Variants in ESR1 observed in about 807,000 individuals in gnomAD.
ESR1 encodes the protein estrogen receptor 1.
In ESR1, 12 loss-of-function variants were observed where a neutral mutation model predicts 52.7. That is an observed-to-expected ratio of 0.23 (90% CI 0.15 to 0.37). The LOEUF is 0.37. ESR1 is among the 10% of genes least tolerant of loss of function. ESR1 has a pLI of 1.00. For synonymous variants in ESR1, 305 were observed against 316.8 expected (o/e 0.96, Z 0.39); for missense variants, 584 against 779.7 (o/e 0.75, Z 2.99).
At chr6:151,815,744 C>G (rs553646089) in intron 1 of ESR1, among the ~76,000 whole-genome samples, 1 of 152,320 alleles carries the variant, frequency 6.6e-6, no homozygotes, top group East Asian at 1.9e-4. Flanking sequence ...ACGGTGCTTT[C>G]TCAGTCCTTT....
intron 4 of ESR1, among the ~76,000 whole-genome samples, chr6:151,963,398 G>A (rs1040832145): frequency 6.6e-6 from 1 of 152,142 alleles, no homozygotes; most frequent in African/African-American, 2.4e-5. Context: ...GTAGCTGCTT[G>A]TTTTCAGTCC....
chr6:152,019,731 G>GT (rs1373913260), intron 5 of ESR1, among the ~76,000 whole-genome samples: 1 of 152,164 alleles, frequency 6.6e-6, no homozygotes, highest in African/African-American at 2.4e-5. Context: ...GGACCGTCAA[G>GT]TAATTCCACT....
At chr6:151,820,123 A>G (rs561433309) in intron 1 of ESR1, among the ~76,000 whole-genome samples, 157 of 152,186 alleles carry the variant, frequency 1.0e-3, no homozygotes, top group Non-Finnish European at 2.0e-3. Context: ...GTCCATTGAT[A>G]TGGAGGTCAA....
intron 2 of ESR1, among the ~76,000 whole-genome samples, chr6:151,790,531 C>T (rs114199420): frequency 0.01 from 1,555 of 151,660 alleles, 20 homozygotes; most frequent in African/African-American, 0.034. Context: ...TTGATCCTTT[C>T]GTATGCTTGA....
At chr6:151,701,529 CAAAA>C (rs57589542) in intron 1 of ESR1, among the ~76,000 whole-genome samples, 2 of 89,418 alleles carry the variant, frequency 2.2e-5, no homozygotes, top group East Asian at 4.5e-4. Flanking sequence ...CACTACATCT[CAAAA>C]AAAAAAAAAA....
At chr6:151,782,508 T>C (rs1430249809) in intron 2 of ESR1, among the ~76,000 whole-genome samples, 1 of 152,238 alleles carries the variant, frequency 6.6e-6, no homozygotes, top group Non-Finnish European at 1.5e-5. Context: ...GATATCTCTG[T>C]TTGTTATCTT....
intron 1 of ESR1, among the ~76,000 whole-genome samples, chr6:151,674,197 A>G (rs896109365): frequency 2.3e-4 from 35 of 151,938 alleles, no homozygotes; most frequent in African/African-American, 8.0e-4. Flanking sequence ...CCACCACCCA[A>G]CAGGCCCTGG....
Position 151,808,041 on chromosome 6 carries a change from C to T in ESR1, c.129C>T (p.Tyr43=). The T allele has an allele frequency of 1.9e-6, 3 of 1,613,762 alleles. No homozygotes were observed. The highest frequency in any genetic ancestry group is 2.5e-6 in the Non-Finnish European group (3 of 1,179,928). ...IPLERPLGEV[Y]LDSSKPAVYN... Reference sequence around the variant, plus strand: ...TGGAGCGGCCCCTGGGCGAGGTGTACCTGGACAGCAGCAAGCCCGCCGTGT... The same window carrying T: ...TGGAGCGGCCCCTGGGCGAGGTGTATCTGGACAGCAGCAAGCCCGCCGTGT... Residue 43 remains tyrosine, a synonymous_variant, in exon 1 of 8, where the codon TAC becomes TAT. Transcript: ENST00000206249.
Position 151,965,953 on chromosome 6 carries a change from A to G in ESR1, c.1096+21445A>G, listed in dbSNP as rs559017495. 2.6e-5 allele frequency among the ~76,000 whole-genome samples: 4 copies of G among 152,264 alleles called. No homozygotes were observed. The South Asian group carries it at 6.2e-4, about 24-fold the overall frequency. ...TTACTGTAATCACACAGTGACGCTCAAGGAGGTATTTACTAAGCATACAGA... is the reference window on the plus strand; with the variant it reads ...TTACTGTAATCACACAGTGACGCTCGAGGAGGTATTTACTAAGCATACAGA... On this transcript the variant is annotated intron_variant, in intron 4 of 7. Coordinates refer to ENST00000206249, the MANE Select transcript of ESR1 (RefSeq NM_000125.4).
chr6:152,012,017 TACACAC>T (rs141508452), intron 5 of ESR1, among the ~76,000 whole-genome samples: 23 of 141,808 alleles, frequency 1.6e-4, no homozygotes, highest in Admixed American at 1.3e-3. Flanking sequence ...TTATTTCTAA[TACACAC>T]ACACACACAC....
intron 3 of ESR1, among the ~76,000 whole-genome samples, chr6:151,928,657 A>G (rs2033131563): frequency 6.6e-6 from 1 of 151,704 alleles, no homozygotes; most frequent in Non-Finnish European, 1.5e-5. Flanking sequence ...TAGGTTGGTT[A>G]TTGATATTAT....
At chr6:151,899,470 C>T (rs1484557509) in intron 3 of ESR1, among the ~76,000 whole-genome samples, 12 of 135,814 alleles carry the variant, frequency 8.8e-5, no homozygotes, top group Admixed American at 2.2e-4. Context: ...GCTGGCCAGG[C>T]GGGGGGCTGA....
chr6:151,679,551 T>C (rs1562325137), intron 1 of ESR1, among the ~76,000 whole-genome samples: 1 of 152,108 alleles, frequency 6.6e-6, no homozygotes, highest in Non-Finnish European at 1.5e-5. Flanking sequence ...GGTTTCACCA[T>C]GTCGGCCAGG....
At chr6:151,873,555 A>G (rs1791334504) in intron 2 of ESR1, among the ~76,000 whole-genome samples, 1 of 152,220 alleles carries the variant, frequency 6.6e-6, no homozygotes, top group Admixed American at 6.5e-5. Flanking sequence ...TTGCTGGTTT[A>G]TATAACAGTG....
chr6:152,043,616 G>A (rs1294915738), intron 5 of ESR1, among the ~76,000 whole-genome samples: 1 of 152,190 alleles, frequency 6.6e-6, no homozygotes, highest in Non-Finnish European at 1.5e-5. Context: ...GGAGGTCATC[G>A]CTGATGCCTT....
intron 2 of ESR1, among the ~76,000 whole-genome samples, chr6:151,728,626 C>T (rs936045919): frequency 6.6e-6 from 1 of 152,156 alleles, no homozygotes. Flanking sequence ...ATGTATACAA[C>T]CATTAAACCA....
At chr6:151,731,977 G>T (rs985568533) in intron 2 of ESR1, among the ~76,000 whole-genome samples, 5 of 152,116 alleles carry the variant, frequency 3.3e-5, no homozygotes, top group Non-Finnish European at 7.4e-5. Flanking sequence ...CGTGGAATTG[G>T]GAGCAATGAG....
intron 5 of ESR1, among the ~76,000 whole-genome samples, chr6:152,029,342 T>C (rs2044461178): frequency 6.6e-6 from 1 of 152,100 alleles, no homozygotes; most frequent in African/African-American, 2.4e-5. Context: ...GAAAATTTTC[T>C]GAACTAAAGG....
intron 2 of ESR1, among the ~76,000 whole-genome samples, chr6:151,854,278 A>G (rs1026134792): frequency 2.0e-5 from 3 of 152,186 alleles, no homozygotes; most frequent in African/African-American, 7.2e-5. Flanking sequence ...TTTACTTTGT[A>G]AAACTTGTTC....
Sources: gnomAD v4.1 joint callset for allele counts (sites outside exome capture counted in the v4.1 genomes callset) on GRCh38, gnomAD v4.1.1 for gene constraint, MANE v1.5 for transcripts, NCBI Gene and HGNC (gene_info 2026-07-23, HGNC 2026-07-21) for gene names.